The following RPA1 variants were observed in gnomAD, a reference collection of about 807,000 sequenced individuals.
RPA1 encodes replication protein A 70 kDa DNA-binding subunit.
In RPA1, 49 loss-of-function variants were observed where a neutral mutation model predicts 83.0. The observed-to-expected ratio is 0.59, with a 90% confidence interval of 0.47 to 0.75. RPA1 has a LOEUF of 0.75. Among genes scored for constraint, RPA1 ranks in the 30% least tolerant of loss-of-function variants. RPA1 has a pLI of 0.00. For missense variants in RPA1, 693 were observed against 776.1 expected, an observed-to-expected ratio of 0.89 and a Z score of 1.27; for synonymous variants, 279 against 281.8, an observed-to-expected ratio of 0.99 and a Z score of 0.10.
chr17:1,866,788 T>C (rs1177610279), intron 5 of RPA1, among the ~76,000 whole-genome samples: 3 of 152,248 alleles, frequency 2.0e-5, no homozygotes, highest in Non-Finnish European at 4.4e-5. Flanking sequence ...ACTGAAATTA[T>C]TCATGCTGCT....
intron 3 of RPA1, 42 bp from the exon 4 acceptor site, chr17:1,844,536 C>G: frequency 6.5e-7 from 1 of 1,532,214 alleles, no homozygotes; most frequent in Non-Finnish European, 9.0e-7. Context: ...AGGCTTAAGA[C>G]TGCAGGATTT....
chr17:1,893,562 AGTTT>A (rs1343536338), intron 15 of RPA1, among the ~76,000 whole-genome samples: 1 of 152,046 alleles, frequency 6.6e-6, no homozygotes, highest in Non-Finnish European at 1.5e-5. Context: ...ACTATTAATT[AGTTT>A]TTCTTTTTTT....
chr17:1,842,488 T>C (rs991096617), intron 1 of RPA1, among the ~76,000 whole-genome samples: 4 of 152,210 alleles, frequency 2.6e-5, no homozygotes, highest in African/African-American at 9.7e-5. Flanking sequence ...ATTATCTCTT[T>C]AATGTATATA....
At chr17:1,874,016 T>A (rs62067476) in intron 6 of RPA1, among the ~76,000 whole-genome samples, 1,159 of 73,964 alleles carry the variant, frequency 0.016, 10 homozygotes, top group South Asian at 0.064. Flanking sequence ...AAAAAAAATA[T>A]ATATATATAT....
At chr17:1,895,659 GTATTTATT>G (rs1555596983) in intron 16 of RPA1, among the ~76,000 whole-genome samples, 9,264 of 141,590 alleles carry the variant, frequency 0.065, 343 homozygotes, top group African/African-American at 0.1. Context: ...ATACCATATA[GTATTTATT>G]TATTTATTTA....
At chr17:1,838,996 A>G (rs4790824) in intron 1 of RPA1, among the ~76,000 whole-genome samples, 65,784 of 151,590 alleles carry the variant, frequency 0.43, 14,692 homozygotes, top group East Asian at 0.53. Flanking sequence ...GACTACAGGC[A>G]CCCGCCACCA....
chr17:1,874,032 T>TATATATATATATATACACAC (rs1171343408), intron 6 of RPA1, among the ~76,000 whole-genome samples: 2 of 79,256 alleles, frequency 2.5e-5, no homozygotes, highest in African/African-American at 1.3e-4. Context: ...TATATATATA[T>TATATATATATATATACACAC]ACACACACAC....
chr17:1,888,970 T>A, intron 14 of RPA1, 119 bp downstream of exon 14: 1 of 1,078,564 alleles, frequency 9.3e-7, no homozygotes, highest in Non-Finnish European at 1.3e-6. Context: ...CGCAGATGAG[T>A]AGGTGTGGAA....
At chr17:1,844,067 T>C in intron 3 of RPA1, 69 bp downstream of exon 3, 2 of 1,408,648 alleles carry the variant, frequency 1.4e-6, no homozygotes, top group Non-Finnish European at 2.0e-6. Flanking sequence ...GGTCCTTTGG[T>C]TGCCATAATT....
chr17:1,832,463 T>C (rs1038116936), intron 1 of RPA1, among the ~76,000 whole-genome samples: 8 of 152,170 alleles, frequency 5.3e-5, no homozygotes, highest in Non-Finnish European at 1.0e-4. Flanking sequence ...CTTGACTCAC[T>C]GCAACCTCCG....
chr17:1,880,327 T>C (rs1306106404), intron 11 of RPA1, among the ~76,000 whole-genome samples: 1 of 152,154 alleles, frequency 6.6e-6, no homozygotes, highest in East Asian at 1.9e-4. Flanking sequence ...ATTCAAGCTT[T>C]ACGCGGGGAA....
chr17:1,883,744 G>T, intron 12 of RPA1, 68 bp from the exon 13 acceptor site: 2 of 1,603,044 alleles, frequency 1.2e-6, no homozygotes, highest in Admixed American at 3.3e-5. Context: ...GTAGCAGCAA[G>T]TTGCATGTGG....
chr17:1,865,099 G>A (rs979932144), intron 5 of RPA1, among the ~76,000 whole-genome samples: 7 of 152,130 alleles, frequency 4.6e-5, no homozygotes, highest in Non-Finnish European at 8.8e-5. Flanking sequence ...AGTGAATTCA[G>A]CACAATCGCA....
rs75563654 is a variant in RPA1 at position 1,884,679 on chromosome 17, A to G, written c.1374+735A>G. Reference sequence around the variant, plus strand: ...AACAGCAGCTCTTAAGTGCTCTTATAGAACATCTCAAGAATTAAACACTGG... The same window carrying G: ...AACAGCAGCTCTTAAGTGCTCTTATGGAACATCTCAAGAATTAAACACTGG... On this transcript the variant is annotated intron_variant, in intron 13 of 16. Coordinates refer to ENST00000254719, the MANE Select transcript of RPA1 (RefSeq NM_002945.5). This position sits in a 1 kb window ranked among gnomAD's most constrained non-coding sequence, Gnocchi z 4.1. Among the ~76,000 whole-genome samples the G allele has an allele frequency of 6.7e-3, 1,022 of 152,278 alleles. 9 individuals carry two copies. Among genetic ancestry groups the G allele is most frequent in the African/African-American group, 0.023 (953 of 41,558 alleles).
At chr17:1,891,073 A>C (rs2034234314) in intron 14 of RPA1, among the ~76,000 whole-genome samples, 1 of 152,260 alleles carries the variant, frequency 6.6e-6, no homozygotes, top group Admixed American at 6.5e-5. Context: ...GTACCCATGC[A>C]AAATGAAGAT....
At chr17:1,834,896 C>G (rs1911754247) in intron 1 of RPA1, among the ~76,000 whole-genome samples, 1 of 152,138 alleles carries the variant, frequency 6.6e-6, no homozygotes, top group African/African-American at 2.4e-5. Context: ...GGGTCTCACT[C>G]TGTTGCCCAG....
Position 1,830,024 on chromosome 17 carries a change from A to C in RPA1, c.-70A>C. On this transcript the variant is annotated 5_prime_UTR_variant, in exon 1 of 17. Coordinates refer to ENST00000254719, the MANE Select transcript of RPA1 (RefSeq NM_002945.5). ...CAACTTCTCGGGCCAATAACTGCGC[A>C]GCGCGCGGGACCCGGGTGGGGAAGC... 1.6e-6 allele frequency: 2 copies of C among 1,238,706 alleles called. No homozygotes were observed. The highest frequency in any genetic ancestry group is 2.0e-6 in the Non-Finnish European group (2 of 979,714). 76.7% of individuals were successfully genotyped at this position (1,238,706 alleles called of 1,614,324 possible). A position where few individuals can be genotyped will look rare whatever the true frequency, so the allele number is the denominator to read the frequency against.
At chr17:1,834,049 G>A (rs377582940) in intron 1 of RPA1, among the ~76,000 whole-genome samples, 1 of 152,098 alleles carries the variant, frequency 6.6e-6, no homozygotes, top group African/African-American at 2.4e-5. Context: ...GTGTGTTGGC[G>A]TGTGCCTGTA....
intron 4 of RPA1, among the ~76,000 whole-genome samples, chr17:1,851,757 A>G (rs1912503426): frequency 6.6e-6 from 1 of 152,208 alleles, no homozygotes; most frequent in Non-Finnish European, 1.5e-5. Flanking sequence ...GCCACTAAGT[A>G]TCAGATAGTT....
Sources: allele counts gnomAD v4.1 joint callset (sites outside exome capture counted in the v4.1 genomes callset), GRCh38; gene constraint gnomAD v4.1.1; non-coding constraint Gnocchi (gnomAD v3.1); transcripts MANE v1.5; gene names NCBI Gene and HGNC (gene_info 2026-07-23, HGNC 2026-07-21).